STPG4: variants seen among roughly 807,000 people sequenced by gnomAD.
The protein encoded by STPG4 is protein STPG4.
In STPG4, 41 loss-of-function variants were observed where a neutral mutation model predicts 31.5. That is an observed-to-expected ratio of 1.30 (90% confidence interval 1.01 to 1.69). STPG4 has a LOEUF of 1.69. Ranked by LOEUF, STPG4 falls within the 40% of genes most tolerant of loss-of-function variation. The pLI is 0.00. For synonymous variants in STPG4, 141 were observed against 103.0 expected (o/e 1.37, Z -2.24); for missense variants, 375 against 293.4 (o/e 1.28, Z -2.03).
rs988631416 is a variant in STPG4 at position 47,117,259 on chromosome 2, G to C, written c.519+12682C>G. 2.6e-5 allele frequency among the ~76,000 whole-genome samples: 4 copies of C among 152,214 alleles called. No individual in the cohort carries two copies. In the East Asian group the frequency reaches 7.7e-4, roughly 29 times the overall value. On this transcript the variant is annotated intron_variant, in intron 5 of 6. Coordinates refer to ENST00000445927, the MANE Select transcript of STPG4 (RefSeq NM_001163561.2). ...ACTTTCGCTCTTGTTGCCCAGGCCA[G>C]AGTGCAATGGCACTATCTCAGCTCA...
intron 3 of STPG4, among the ~76,000 whole-genome samples, chr2:47,141,612 T>C (rs956439903): frequency 6.6e-6 from 1 of 151,966 alleles, no homozygotes; most frequent in Non-Finnish European, 1.5e-5. Context: ...CTTTGAGTGC[T>C]ACTTTTTTTC....
intron 3 of STPG4, 47 bp downstream of exon 3, chr2:47,151,211 C>G (rs752768642): frequency 6.2e-7 from 1 of 1,603,754 alleles, no homozygotes; most frequent in Non-Finnish European, 8.5e-7. Flanking sequence ...TCCTCAGGGG[C>G]TCTTAGTAGC....
chr2:47,133,404 C>T (rs984433073), intron 3 of STPG4, among the ~76,000 whole-genome samples: 10 of 151,874 alleles, frequency 6.6e-5, no homozygotes, highest in Non-Finnish European at 1.3e-4. Flanking sequence ...TGGGCTCAAG[C>T]GATCCTCCCA....
chr2:47,111,670 G>C (rs1686038448), intron 5 of STPG4, among the ~76,000 whole-genome samples: 1 of 150,988 alleles, frequency 6.6e-6, no homozygotes, highest in Non-Finnish European at 1.5e-5. Flanking sequence ...TTCTCTGTGG[G>C]TAAAAAAAAA....
chr2:47,144,213 C>A (rs1322211134), intron 3 of STPG4, among the ~76,000 whole-genome samples: 1 of 152,194 alleles, frequency 6.6e-6, no homozygotes, highest in Non-Finnish European at 1.5e-5. Context: ...TTCTACTCTG[C>A]AAGGTAGACT....
At chr2:47,114,197 C>A (rs1478471691) in intron 5 of STPG4, among the ~76,000 whole-genome samples, 2 of 151,660 alleles carry the variant, frequency 1.3e-5, no homozygotes, top group African/African-American at 2.4e-5. Flanking sequence ...ATAGCAAGAC[C>A]CCATTTTCAA....
At chr2:47,119,906 T>C (rs1196040991) in intron 5 of STPG4, among the ~76,000 whole-genome samples, 1 of 152,228 alleles carries the variant, frequency 6.6e-6, no homozygotes, top group Non-Finnish European at 1.5e-5. Context: ...TTGTAAATTA[T>C]ATATGGAGGT....
At chr2:47,113,299 T>A (rs950723890) in intron 5 of STPG4, among the ~76,000 whole-genome samples, 1 of 151,964 alleles carries the variant, frequency 6.6e-6, no homozygotes, top group Non-Finnish European at 1.5e-5. Flanking sequence ...AAAGGAAAAA[T>A]CCCTGAAAAA....
chr2:47,094,221 G>T (rs1685627735), intron 5 of STPG4, among the ~76,000 whole-genome samples: 1 of 152,134 alleles, frequency 6.6e-6, no homozygotes, highest in Non-Finnish European at 1.5e-5. Context: ...CTTAAACCTT[G>T]CTTTTGTCAG....
intron 3 of STPG4, among the ~76,000 whole-genome samples, chr2:47,149,865 T>G (rs1686901747): frequency 6.6e-6 from 1 of 152,204 alleles, no homozygotes; most frequent in South Asian, 2.1e-4. Flanking sequence ...TCCTGCCACT[T>G]CCATGCCTTC....
intron 5 of STPG4, among the ~76,000 whole-genome samples, chr2:47,112,170 T>G (rs933951283): frequency 3.9e-5 from 6 of 152,154 alleles, no homozygotes; most frequent in Non-Finnish European, 5.9e-5. Flanking sequence ...TGTTGTTGTT[T>G]TGTTGTTTGT....
At chr2:47,123,278 T>C (rs1446522117) in intron 5 of STPG4, among the ~76,000 whole-genome samples, 1 of 152,240 alleles carries the variant, frequency 6.6e-6, no homozygotes, top group Non-Finnish European at 1.5e-5. Flanking sequence ...AGCATTTTCA[T>C]ATCTTTAAAA....
chr2:47,144,944 A>T (rs1686789755), intron 3 of STPG4, among the ~76,000 whole-genome samples: 1 of 152,202 alleles, frequency 6.6e-6, no homozygotes, highest in Non-Finnish European at 1.5e-5. Flanking sequence ...GTTAGCCAGG[A>T]AGGTCTTGAT....
At chr2:47,132,092 G>A (rs1686496596) in intron 3 of STPG4, among the ~76,000 whole-genome samples, 1 of 151,996 alleles carries the variant, frequency 6.6e-6, no homozygotes, top group Admixed American at 6.6e-5. Context: ...TTGAACCTGG[G>A]AGGCGGGGGT....
chr2:47,128,190 C>G (rs1000944107), intron 5 of STPG4, among the ~76,000 whole-genome samples: 1 of 152,152 alleles, frequency 6.6e-6, no homozygotes. Flanking sequence ...TTCCCTTCCC[C>G]CAAACAAACG....
rs573803558 is a variant in STPG4 at position 47,100,649 on chromosome 2, G to A, written c.520-10275C>T. Among the ~76,000 whole-genome samples, 16 of 151,604 alleles carry A rather than the reference G, an allele frequency of 1.1e-4. 1 individual carries two copies. The South Asian group carries it at 2.9e-3, about 28-fold the overall frequency. ...AAATCTTGCTACTGCTCACTCTTTG[G>A]GTCCACACTGCTTTTATGAGCTGTA... is the stretch of plus-strand genomic sequence containing the variant. On this transcript the variant is annotated intron_variant, in intron 5 of 6. Coordinates refer to ENST00000445927, the MANE Select transcript of STPG4 (RefSeq NM_001163561.2).
At chr2:47,144,706 T>TAA (rs572882192) in intron 3 of STPG4, among the ~76,000 whole-genome samples, 20 of 151,172 alleles carry the variant, frequency 1.3e-4, no homozygotes, top group African/African-American at 4.6e-4. Context: ...GATAAAATAT[T>TAA]AAAAAAAAAC....
intron 3 of STPG4, among the ~76,000 whole-genome samples, chr2:47,141,339 A>AG (rs1410875681): frequency 1.0e-3 from 151 of 150,936 alleles, no homozygotes; most frequent in South Asian, 2.1e-3. Flanking sequence ...AAAAAAAAAA[A>AG]AAGAAGAAAG....
intron 5 of STPG4, among the ~76,000 whole-genome samples, chr2:47,095,075 T>G (rs933121280): frequency 6.6e-6 from 1 of 152,224 alleles, no homozygotes. Context: ...TCCCAAGTTG[T>G]TAGGCATCAA....
Sources: gnomAD v4.1 joint callset for allele counts (sites outside exome capture counted in the v4.1 genomes callset) on GRCh38, gnomAD v4.1.1 for gene constraint, MANE v1.5 for transcripts, NCBI Gene and HGNC (gene_info 2026-07-23, HGNC 2026-07-21) for gene names.